Variants in PACRG observed in about 807,000 individuals in gnomAD.
The protein encoded by PACRG is parkin coregulated gene protein.
A neutral mutation model predicts 29.7 loss-of-function variants in PACRG; 29 were observed. The observed-to-expected ratio is 0.98, with a 90% CI of 0.73 to 1.33. The LOEUF (loss-of-function observed/expected upper bound fraction) is 1.33. PACRG is among the 40% of genes most tolerant of loss of function. The pLI, the probability that PACRG is intolerant of heterozygous loss-of-function variation, is 0.00. For missense variants in PACRG, 279 were observed against 316.2 expected (o/e 0.88, Z 0.89); for synonymous variants, 116 against 118.7 (o/e 0.98, Z 0.15).
chr6:162,803,667 C>T (rs1245515983), intron 1 of PACRG, among the ~76,000 whole-genome samples: 3 of 152,048 alleles, frequency 2.0e-5, no homozygotes, highest in East Asian at 3.9e-4. Flanking sequence ...AGATCTCATA[C>T]AAATTAACAT....
chr6:163,001,977 G>C (rs1804630904), intron 2 of PACRG, among the ~76,000 whole-genome samples: 1 of 152,006 alleles, frequency 6.6e-6, no homozygotes, highest in South Asian at 2.1e-4. Context: ...AAAGAGTTAG[G>C]GAACCTGCTT....
chr6:162,753,478 G>T (rs191955427), intron 1 of PACRG, among the ~76,000 whole-genome samples: 1 of 152,094 alleles, frequency 6.6e-6, no homozygotes, highest in Admixed American at 6.5e-5. Flanking sequence ...AATTTATATC[G>T]CAATTTTTTA....
intron 4 of PACRG, among the ~76,000 whole-genome samples, chr6:163,127,227 C>T (rs1274099058): frequency 6.6e-6 from 1 of 152,206 alleles, no homozygotes; most frequent in Non-Finnish European, 1.5e-5. Context: ...AAAAGAAAAA[C>T]AGAAACTTTT....
intron 2 of PACRG, among the ~76,000 whole-genome samples, chr6:162,843,345 AT>A (rs1486918161): frequency 6.7e-6 from 1 of 148,970 alleles, no homozygotes; most frequent in African/African-American, 2.5e-5. Flanking sequence ...CATTTCATTC[AT>A]TTCATCTTCC....
chr6:163,062,825 C>G (rs1313727784), intron 3 of PACRG, among the ~76,000 whole-genome samples: 1 of 152,136 alleles, frequency 6.6e-6, no homozygotes, highest in Non-Finnish European at 1.5e-5. Flanking sequence ...CTGGGGTAGC[C>G]CTGTGATTGG....
intron 2 of PACRG, among the ~76,000 whole-genome samples, chr6:162,851,166 T>C (rs1018752114): frequency 4.6e-5 from 7 of 152,358 alleles, no homozygotes; most frequent in African/African-American, 1.4e-4. Flanking sequence ...AACCTCCTGG[T>C]GAGCACGTGT....
At position 162,824,071 on chromosome 6, in the gene PACRG, C is replaced by T. The variant is rs568503769; in HGVS notation, c.291+9790C>T. Among the ~76,000 whole-genome samples, 31 of 152,228 alleles carry T rather than the reference C, an allele frequency of 2.0e-4. No homozygotes were observed. The South Asian group carries it at 2.3e-3, about 11-fold the overall frequency. On this transcript the variant is annotated intron_variant, in intron 2 of 4. Coordinates refer to ENST00000366888, the MANE Select transcript of PACRG (RefSeq NM_001080379.2). Reference sequence around the variant, plus strand: ...CCAGCTCTGTCTTTGCCTGCCTTTACCTATAGCATTTTGCTTGTGGGACAC... The same window carrying T: ...CCAGCTCTGTCTTTGCCTGCCTTTATCTATAGCATTTTGCTTGTGGGACAC...
intron 3 of PACRG, 145 bp downstream of exon 3, chr6:163,062,466 C>T (rs1256679992): frequency 4.3e-6 from 4 of 927,740 alleles, no homozygotes; most frequent in Non-Finnish European, 6.2e-6. Context: ...GGCCAGACAA[C>T]CCAAATCTCC....
At chr6:163,221,979 C>T (rs1226765621) in intron 4 of PACRG, among the ~76,000 whole-genome samples, 1 of 152,216 alleles carries the variant, frequency 6.6e-6, no homozygotes, top group Admixed American at 6.5e-5. Flanking sequence ...AGACAGGCTG[C>T]ACCCTGATCA....
intron 4 of PACRG, among the ~76,000 whole-genome samples, chr6:163,224,195 C>G (rs1781694380): frequency 6.6e-6 from 1 of 151,380 alleles, no homozygotes; most frequent in Non-Finnish European, 1.5e-5. Flanking sequence ...ATGGCACAAC[C>G]CCATCTCTAC....
At chr6:162,815,933 A>G (rs1787298254) in intron 2 of PACRG, among the ~76,000 whole-genome samples, 1 of 152,174 alleles carries the variant, frequency 6.6e-6, no homozygotes, top group Non-Finnish European at 1.5e-5. Context: ...TAACCTACAC[A>G]TAAATTGTAT....
intron 1 of PACRG, among the ~76,000 whole-genome samples, chr6:162,735,227 AG>A (rs1287707488): frequency 1.3e-5 from 2 of 152,176 alleles, no homozygotes; most frequent in African/African-American, 4.8e-5. Flanking sequence ...TTTTGGAGAA[AG>A]TATCTACGCA....
intron 1 of PACRG, among the ~76,000 whole-genome samples, chr6:162,793,050 G>A (rs1455782313): frequency 6.6e-6 from 1 of 152,112 alleles, no homozygotes; most frequent in African/African-American, 2.4e-5. Flanking sequence ...CAGTCCAAGG[G>A]CAGGTGATTT....
intron 4 of PACRG, chr6:163,166,118 G>C (rs887854011): frequency 6.6e-6 from 3 of 456,140 alleles, no homozygotes; most frequent in African/African-American, 2.0e-5. Context: ...GCAGGGCTTG[G>C]CGCGGGGTTT....
At chr6:162,943,980 G>T (rs903360416) in intron 2 of PACRG, among the ~76,000 whole-genome samples, 2 of 152,146 alleles carry the variant, frequency 1.3e-5, no homozygotes, top group South Asian at 4.1e-4. Flanking sequence ...CCAGCCCACA[G>T]CTGGCACCGG....
intron 4 of PACRG, among the ~76,000 whole-genome samples, chr6:163,263,431 C>T (rs1450150001): frequency 1.3e-5 from 2 of 152,150 alleles, no homozygotes; most frequent in South Asian, 4.1e-4. Context: ...GTACAGAACA[C>T]GCTGTGCGCC....
chr6:163,288,950 G>A lies in PACRG; in HGVS notation c.614-25877G>A, dbSNP rs909399232. ...TCCTTAGTGCAATTAACTGTGAACT[G>A]CCACAGTGAGATCAGAAGGTCGTGC... On this transcript the variant is annotated intron_variant, in intron 4 of 4. Transcript: ENST00000366888. Among the ~76,000 whole-genome samples the A allele has an allele frequency of 2.6e-5, 4 of 152,164 alleles. No homozygotes were observed. The East Asian group carries it at 7.7e-4, about 29-fold the overall frequency.
chr6:163,017,093 A>C (rs980171966), intron 2 of PACRG, among the ~76,000 whole-genome samples: 9 of 152,154 alleles, frequency 5.9e-5, no homozygotes, highest in Non-Finnish European at 8.8e-5. Flanking sequence ...ACTTTCAGTT[A>C]ACTTTTCCTT....
chr6:162,809,983 T>A (rs962466690), intron 1 of PACRG, among the ~76,000 whole-genome samples: 4 of 152,122 alleles, frequency 2.6e-5, no homozygotes, highest in African/African-American at 9.7e-5. Flanking sequence ...TCCTTCCCAT[T>A]GGAGTTAAGT....
Sources: allele counts gnomAD v4.1 joint callset (sites outside exome capture counted in the v4.1 genomes callset), GRCh38; gene constraint gnomAD v4.1.1; transcripts MANE v1.5; gene names NCBI Gene and HGNC (gene_info 2026-07-23, HGNC 2026-07-21).